The following WDFY4 variants were observed in gnomAD, a reference collection of about 807,000 sequenced individuals.
WDFY4 encodes the protein WDFY family member 4, also known as WD repeat- and FYVE domain-containing protein 4.
WDFY4 carries 169 observed loss-of-function variants against 351.9 expected under a neutral mutation model. The ratio of observed to expected loss-of-function variants is 0.48; its 90% confidence interval spans 0.42 to 0.55. WDFY4 has a LOEUF of 0.55. WDFY4 is among the 20% of genes least tolerant of loss of function. The probability of loss-of-function intolerance (pLI) is 0.00; values close to 1 mark genes in which losing one functional copy is unlikely to be tolerated. For synonymous variants in WDFY4, 1,622 were observed against 1,574.6 expected (o/e 1.03, Z -0.71); for missense variants, 3,803 against 3,935.6 (o/e 0.97, Z 0.90).
Position 48,978,303 on chromosome 10 carries a change from G to C in WDFY4, c.9292-6G>C. The C allele has an allele frequency of 6.4e-7, 1 of 1,550,784 alleles. No individual in the cohort carries two copies. Among genetic ancestry groups the C allele is most frequent in the Non-Finnish European group, 8.7e-7 (1 of 1,146,532 alleles). On this transcript the variant is annotated splice_region_variant and splice_polypyrimidine_tract_variant and intron_variant, in intron 59 of 61. Coordinates refer to ENST00000325239, the MANE Select transcript of WDFY4 (RefSeq NM_001394531.1). ...CCCGCCGATGACATTTGCTCTTTTGGGGCAGGTTTGGAAGACTGAGGATGT... is the reference window on the plus strand; with the variant it reads ...CCCGCCGATGACATTTGCTCTTTTGCGGCAGGTTTGGAAGACTGAGGATGT...
At chr10:48,823,289 C>A in intron 35 of WDFY4, 1 of 1,290,128 alleles carries the variant, frequency 7.8e-7, no homozygotes, top group Non-Finnish European at 1.0e-6. Flanking sequence ...GTTGTCCCAC[C>A]CAGGGGGATG....
intron 36 of WDFY4, among the ~76,000 whole-genome samples, chr10:48,827,907 C>A: frequency 6.8e-6 from 1 of 148,116 alleles, no homozygotes; most frequent in South Asian, 2.2e-4. Context: ...TTTTTTTCTT[C>A]CTGTTTCAAG....
chr10:48,698,572 T>A (rs2132129045), intron 1 of WDFY4, among the ~76,000 whole-genome samples: 1 of 152,286 alleles, frequency 6.6e-6, no homozygotes, highest in African/African-American at 2.4e-5. Context: ...CGTATCATGC[T>A]CAGTCTTTGC....
intron 1 of WDFY4, among the ~76,000 whole-genome samples, chr10:48,686,059 G>C (rs974550044): frequency 1.3e-5 from 2 of 152,080 alleles, no homozygotes; most frequent in African/African-American, 4.8e-5. Context: ...CCGGGTAAGG[G>C]GCATGCCTGG....
intron 2 of WDFY4, among the ~76,000 whole-genome samples, chr10:48,716,251 G>A (rs1342941935): frequency 6.6e-6 from 1 of 152,082 alleles, no homozygotes; most frequent in Non-Finnish European, 1.5e-5. Flanking sequence ...TTTTGTTCGT[G>A]CTGGAATACC....
intron 24 of WDFY4, chr10:48,802,795 TCAGTA>T (rs1252927361): frequency 6.3e-6 from 3 of 472,530 alleles, no homozygotes; most frequent in Admixed American, 2.3e-5. Flanking sequence ...GGGTATGTAG[TCAGTA>T]CAGTGTAAAA....
intron 8 of WDFY4, among the ~76,000 whole-genome samples, chr10:48,730,559 C>G (rs1333880280): frequency 6.6e-6 from 1 of 152,210 alleles, no homozygotes; most frequent in African/African-American, 2.4e-5. Context: ...AATTATTTAT[C>G]AGCTTGTCTA....
chr10:48,913,364 T>G, intron 47 of WDFY4: 1 of 1,595,414 alleles, frequency 6.3e-7, no homozygotes, highest in East Asian at 2.2e-5. Context: ...CTCTTTCCCT[T>G]CTGCCTCAGG....
intron 20 of WDFY4, among the ~76,000 whole-genome samples, chr10:48,787,189 A>G (rs1360587991): frequency 6.6e-6 from 1 of 152,226 alleles, no homozygotes; most frequent in African/African-American, 2.4e-5. Context: ...TAACTAAAGT[A>G]TACTGTTGAC....
At chr10:48,839,789 G>A (rs2068533637) in intron 39 of WDFY4, among the ~76,000 whole-genome samples, 1 of 152,238 alleles carries the variant, frequency 6.6e-6, no homozygotes, top group African/African-American at 2.4e-5. Context: ...CTATCTGTTA[G>A]ATAAATAAAA....
At chr10:48,857,423 G>A (rs1157012546) in intron 39 of WDFY4, among the ~76,000 whole-genome samples, 1 of 151,412 alleles carries the variant, frequency 6.6e-6, no homozygotes, top group Non-Finnish European at 1.5e-5. Flanking sequence ...CTTGATTTGT[G>A]CCAAGGCATT....
chr10:48,834,609 G>A (rs1412901933), intron 39 of WDFY4, among the ~76,000 whole-genome samples: 2 of 152,226 alleles, frequency 1.3e-5, no homozygotes, highest in Non-Finnish European at 2.9e-5. Flanking sequence ...CCTGACCAGT[G>A]TCACTTGAGA....
rs115503666 is a variant in WDFY4 at position 48,767,380 on chromosome 10, T to C, written c.2553+6940T>C. 4.7e-3 allele frequency among the ~76,000 whole-genome samples: 716 copies of C among 152,338 alleles called. 6 individuals are homozygous for C. Among genetic ancestry groups the C allele is most frequent in the African/African-American group, 0.016 (666 of 41,574 alleles). ...TGACAGTCTGTGTTCTGGGTCGTGG[T>C]ATATAAAATTCTGAAACTATTAAGT... On this transcript the variant is annotated intron_variant, in intron 13 of 61. Transcript: ENST00000325239.
chr10:48,798,979 C>A (rs2066965322), intron 24 of WDFY4, among the ~76,000 whole-genome samples: 1 of 152,198 alleles, frequency 6.6e-6, no homozygotes, highest in South Asian at 2.1e-4. Context: ...ACATAAATGG[C>A]CATAAAACCC....
chr10:48,827,850 A>G (rs975465771), intron 36 of WDFY4, among the ~76,000 whole-genome samples: 2 of 151,754 alleles, frequency 1.3e-5, no homozygotes, highest in Admixed American at 6.6e-5. Flanking sequence ...TTTGTATGAA[A>G]GAAAATAATC....
At chr10:48,723,337 C>T in intron 4 of WDFY4, 96 bp from the exon 5 acceptor site, 3 of 1,439,660 alleles carry the variant, frequency 2.1e-6, no homozygotes, top group Non-Finnish European at 2.8e-6. Context: ...TGTCCCATGG[C>T]CTCACTGAAA....
At chr10:48,696,524 G>T (rs185396954) in intron 1 of WDFY4, among the ~76,000 whole-genome samples, 57 of 152,296 alleles carry the variant, frequency 3.7e-4, no homozygotes, top group Middle Eastern at 3.4e-3. Context: ...ACATCTCTAC[G>T]GCCCTGTCCT....
At chr10:48,696,842 A>G (rs1466644259) in intron 1 of WDFY4, among the ~76,000 whole-genome samples, 2 of 152,248 alleles carry the variant, frequency 1.3e-5, no homozygotes, top group Admixed American at 6.5e-5. Context: ...ACCCTCTCAC[A>G]TATGTTGGCT....
At chr10:48,838,089 G>A (rs1449939871) in intron 39 of WDFY4, among the ~76,000 whole-genome samples, 2 of 152,254 alleles carry the variant, frequency 1.3e-5, no homozygotes, top group African/African-American at 2.4e-5. Context: ...GGGAAGTCAG[G>A]GCTGTGTAAG....
Sources: allele counts gnomAD v4.1 joint callset (sites outside exome capture counted in the v4.1 genomes callset), GRCh38; gene constraint gnomAD v4.1.1; transcripts MANE v1.5; gene names NCBI Gene and HGNC (gene_info 2026-07-23, HGNC 2026-07-21).